The following CACNA2D3 variants were observed in gnomAD, a reference collection of about 807,000 sequenced individuals.
The protein encoded by CACNA2D3 is calcium voltage-gated channel auxiliary subunit alpha2delta 3.
CACNA2D3 carries 60 observed loss-of-function variants against 160.6 expected under a neutral mutation model. The ratio of observed to expected loss-of-function variants is 0.37; its 90% confidence interval spans 0.30 to 0.46. CACNA2D3 has a LOEUF of 0.46. Ranked by LOEUF, CACNA2D3 falls within the 20% of genes least tolerant of loss-of-function variation. The pLI, the probability that CACNA2D3 is intolerant of heterozygous loss-of-function variation, is 1.00. For synonymous variants in CACNA2D3, 558 were observed against 492.9 expected (o/e 1.13, Z -1.75); for missense variants, 1,205 against 1,365.0 (o/e 0.88, Z 1.85).
chr3:54,819,398 CTGGTGCTTCA>C (rs961321043), intron 14 of CACNA2D3, among the ~76,000 whole-genome samples: 19 of 152,182 alleles, frequency 1.2e-4, no homozygotes, highest in African/African-American at 4.3e-4. Context: ...GACTTGACCC[CTGGTGCTTCA>C]TAGCACATCA....
chr3:54,904,360 A>G (rs1046742612), intron 27 of CACNA2D3, among the ~76,000 whole-genome samples: 2 of 152,164 alleles, frequency 1.3e-5, no homozygotes, highest in Non-Finnish European at 2.9e-5. Flanking sequence ...GAATTGAAGC[A>G]AGATGGAAGG....
At chr3:54,796,128 A>G (rs1702861312) in intron 13 of CACNA2D3, among the ~76,000 whole-genome samples, 2 of 152,136 alleles carry the variant, frequency 1.3e-5, no homozygotes, top group Admixed American at 6.5e-5. Flanking sequence ...CTACAAGGAG[A>G]CCACTTCATT....
At chr3:54,298,524 C>A (rs1270037362) in intron 2 of CACNA2D3, among the ~76,000 whole-genome samples, 1 of 152,184 alleles carries the variant, frequency 6.6e-6, no homozygotes, top group Non-Finnish European at 1.5e-5. Flanking sequence ...GTAGGCCGGG[C>A]GCAGTGGCTC....
In CACNA2D3 at chr3:54,846,695, A is replaced by G. The variant is rs1698939224; in HGVS notation, c.1626+228A>G. Among the ~76,000 whole-genome samples the G allele has an allele frequency of 2.0e-5, 3 of 152,356 alleles. No individual in the cohort carries two copies. The South Asian group carries it at 6.2e-4, about 32-fold the overall frequency. ...TATGATTTTGTATATAAAGCCATAT[A>G]TGTGTATATGCATTTATTTATTTAT... On this transcript the variant is annotated intron_variant, in intron 17 of 37. Transcript: ENST00000474759.
At chr3:54,383,248 C>G (rs1413173311) in intron 3 of CACNA2D3, among the ~76,000 whole-genome samples, 2 of 152,160 alleles carry the variant, frequency 1.3e-5, no homozygotes, top group African/African-American at 4.8e-5. Context: ...TTTGTTCTTT[C>G]CACAAGACAC....
At position 54,918,527 on chromosome 3, in the gene CACNA2D3, G is replaced by C. The variant is rs144150699; in HGVS notation, c.2449+18659G>C. The stretch of plus-strand genomic sequence containing the variant: ...CCAGGATCATTGGTTTGAGCCAAGG[G>C]TCCCCCATGGTACTGGGCTGTGATT... On this transcript the variant is annotated intron_variant, in intron 27 of 37. Transcript: ENST00000474759. The C allele has an allele frequency of 5.0e-4, 814 of 1,613,782 alleles. 1 individual carries two copies. Among genetic ancestry groups the C allele is most frequent in the Non-Finnish European group, 6.1e-4 (722 of 1,179,946 alleles).
intron 27 of CACNA2D3, among the ~76,000 whole-genome samples, chr3:54,964,656 A>G (rs980382503): frequency 1.3e-5 from 2 of 152,196 alleles, no homozygotes; most frequent in Non-Finnish European, 2.9e-5. Context: ...GGTCAAGAAA[A>G]GAAAAATGTG....
intron 4 of CACNA2D3, among the ~76,000 whole-genome samples, chr3:54,402,787 A>AT (rs368382525): frequency 3.2e-4 from 48 of 152,162 alleles, no homozygotes; most frequent in African/African-American, 1.1e-3. Context: ...GGACTTAACA[A>AT]ATATATACAC....
intron 11 of CACNA2D3, among the ~76,000 whole-genome samples, chr3:54,667,922 G>A (rs1233929415): frequency 6.8e-6 from 1 of 147,970 alleles, no homozygotes; most frequent in Non-Finnish European, 1.5e-5. Flanking sequence ...ACTCCAGCCT[G>A]GGCGACAGAA....
chr3:54,450,482 G>A (rs1039766524), intron 4 of CACNA2D3, among the ~76,000 whole-genome samples: 8 of 152,156 alleles, frequency 5.3e-5, no homozygotes, highest in Admixed American at 3.9e-4. Flanking sequence ...CATTGTTGGA[G>A]GTGAGGCCTA....
At chr3:54,181,825 T>C (rs990191198) in intron 2 of CACNA2D3, among the ~76,000 whole-genome samples, 4 of 152,204 alleles carry the variant, frequency 2.6e-5, no homozygotes, top group Admixed American at 2.6e-4. Flanking sequence ...CCAGTTTTCT[T>C]GTGATAGGAC....
chr3:54,285,579 G>A (rs1248804969), intron 2 of CACNA2D3, among the ~76,000 whole-genome samples: 1 of 152,196 alleles, frequency 6.6e-6, no homozygotes, highest in African/African-American at 2.4e-5. Flanking sequence ...TTTTAAGAGA[G>A]TAGTGGTTCT....
rs150609024 is a variant in CACNA2D3 at position 54,934,023 on chromosome 3, G to A, written c.2449+34155G>A. On this transcript the variant is annotated intron_variant, in intron 27 of 37. Transcript: ENST00000474759. ...TGACCTGGGGTGGTCCACCTGCCTC[G>A]GCCTCCCAAAGTGCTGGGATAACAG... 2.8e-3 allele frequency among the ~76,000 whole-genome samples: 425 copies of A among 152,134 alleles called. 2 individuals carry two copies. Among genetic ancestry groups the A allele is most frequent in the African/African-American group, 9.7e-3 (404 of 41,504 alleles).
rs1702437731 is a variant in CACNA2D3, at chr3:54,263,296, G to A, written c.205-57146G>A. Among the ~76,000 whole-genome samples, 3 of 152,184 alleles carry A rather than the reference G, an allele frequency of 2.0e-5. 1 individual carries two copies. In the South Asian group the frequency reaches 6.2e-4, roughly 32 times the overall value. On this transcript the variant is annotated intron_variant, in intron 2 of 37. Transcript: ENST00000474759. ...GGCTACTGTGTAGAGACTTGGAATA[G>A]TAAAAATTAATAGTCAGAAATAGTA...
intron 2 of CACNA2D3, among the ~76,000 whole-genome samples, chr3:54,260,630 C>T (rs1702385860): frequency 6.6e-6 from 1 of 152,166 alleles, no homozygotes; most frequent in Non-Finnish European, 1.5e-5. Flanking sequence ...CTTCGGGGGA[C>T]ACATTTAAAT....
chr3:54,380,375 C>T (rs1327215380), intron 3 of CACNA2D3, among the ~76,000 whole-genome samples: 1 of 152,204 alleles, frequency 6.6e-6, no homozygotes, highest in Non-Finnish European at 1.5e-5. Flanking sequence ...CTGTGTAACA[C>T]GCTGCTAGGA....
chr3:54,699,964 G>T (rs1287377124), intron 11 of CACNA2D3, among the ~76,000 whole-genome samples: 3 of 152,164 alleles, frequency 2.0e-5, no homozygotes, highest in African/African-American at 7.2e-5. Context: ...TCGTGTGTTT[G>T]TGTGGGTGCT....
At chr3:54,564,684 G>T (rs1237524931) in intron 6 of CACNA2D3, among the ~76,000 whole-genome samples, 1 of 152,208 alleles carries the variant, frequency 6.6e-6, no homozygotes, top group Non-Finnish European at 1.5e-5. Flanking sequence ...CAGTCTTACT[G>T]AGTTCTGGCT....
intron 11 of CACNA2D3, among the ~76,000 whole-genome samples, chr3:54,730,421 C>T (rs1701363717): frequency 6.6e-6 from 1 of 152,200 alleles, no homozygotes; most frequent in East Asian, 1.9e-4. Flanking sequence ...ATATGGAAGC[C>T]TAACTAATGG....
Sources: allele counts gnomAD v4.1 joint callset (sites outside exome capture counted in the v4.1 genomes callset), GRCh38; gene constraint gnomAD v4.1.1; transcripts MANE v1.5; gene names NCBI Gene and HGNC (gene_info 2026-07-23, HGNC 2026-07-21).